FSTL5: variants seen among roughly 807,000 people sequenced by gnomAD.
The protein encoded by FSTL5 is follistatin-related protein 5.
In FSTL5, 62 loss-of-function variants were observed where a neutral mutation model predicts 89.1. The ratio of observed to expected loss-of-function variants is 0.70; its 90% confidence interval spans 0.57 to 0.86. The LOEUF (loss-of-function observed/expected upper bound fraction) is 0.86, where lower values mean the gene tolerates loss of function less well. Among genes scored for constraint, FSTL5 ranks in the 40% least tolerant of loss-of-function variants. The probability of loss-of-function intolerance (pLI) is 0.00; values close to 1 mark genes in which losing one functional copy is unlikely to be tolerated. For synonymous variants in FSTL5, 383 were observed against 346.2 expected, an observed-to-expected ratio of 1.11 and a Z score of -1.18; for missense variants, 1,057 against 1,001.6, an observed-to-expected ratio of 1.06 and a Z score of -0.75.
intron 4 of FSTL5, among the ~76,000 whole-genome samples, chr4:161,798,645 C>T (rs1395577306): frequency 2.0e-5 from 3 of 151,480 alleles, no homozygotes; most frequent in African/African-American, 7.3e-5. Context: ...GTCCAACAAA[C>T]TGATTTAACA....
chr4:161,390,722 G>T (rs1380687033), intron 15 of FSTL5, among the ~76,000 whole-genome samples: 1 of 151,884 alleles, frequency 6.6e-6, no homozygotes, highest in Non-Finnish European at 1.5e-5. Flanking sequence ...GTCCTCATAT[G>T]GTCCCAGATA....
intron 3 of FSTL5, among the ~76,000 whole-genome samples, chr4:162,009,800 T>C (rs1736709580): frequency 6.6e-6 from 1 of 152,088 alleles, no homozygotes; most frequent in African/African-American, 2.4e-5. Flanking sequence ...TCTTCCTATG[T>C]ACATTATGTA....
intron 15 of FSTL5, among the ~76,000 whole-genome samples, chr4:161,432,860 A>T (rs182430217): frequency 1.6e-4 from 24 of 152,164 alleles, no homozygotes; most frequent in Admixed American, 1.2e-3. Flanking sequence ...GGATACATAC[A>T]ATCTACCAAG....
At chr4:161,936,414 C>A (rs1312331867) in intron 3 of FSTL5, among the ~76,000 whole-genome samples, 1 of 152,012 alleles carries the variant, frequency 6.6e-6, no homozygotes, top group Non-Finnish European at 1.5e-5. Context: ...ACTAAAAATA[C>A]TTTAAAATAG....
Position 162,112,222 on chromosome 4 carries a change from T to C in FSTL5, c.-16-810A>G, listed in dbSNP as rs541974621. Among the ~76,000 whole-genome samples the C allele has an allele frequency of 3.3e-5, 5 of 152,012 alleles. No homozygotes were observed. The South Asian group carries it at 1.0e-3, about 32-fold the overall frequency. ...TTTTTCTTCTGTCAAAGCCAATCTG[T>C]TATGTCTGATTTCTTGGGAAACTTA... is the stretch of plus-strand genomic sequence containing the variant. On this transcript the variant is annotated intron_variant, in intron 1 of 15. Coordinates refer to ENST00000306100, the MANE Select transcript of FSTL5 (RefSeq NM_020116.5).
intron 4 of FSTL5, among the ~76,000 whole-genome samples, chr4:161,824,413 G>A (rs1323159056): frequency 1.3e-5 from 2 of 152,038 alleles, no homozygotes; most frequent in African/African-American, 4.8e-5. Flanking sequence ...GGGTGACTAT[G>A]GCCTTATAAT....
chr4:161,926,924 C>T (rs1734143223), intron 3 of FSTL5, among the ~76,000 whole-genome samples: 1 of 151,728 alleles, frequency 6.6e-6, no homozygotes, highest in African/African-American at 2.4e-5. Flanking sequence ...ACTACTTTAA[C>T]ATTATAAATA....
chr4:161,403,421 A>G (rs906105171), intron 15 of FSTL5, among the ~76,000 whole-genome samples: 14 of 152,224 alleles, frequency 9.2e-5, no homozygotes, highest in African/African-American at 2.7e-4. Flanking sequence ...TATAGCAGAT[A>G]TGACCTACTT....
At chr4:161,791,847 G>A (rs1009327949) in intron 4 of FSTL5, among the ~76,000 whole-genome samples, 3 of 152,176 alleles carry the variant, frequency 2.0e-5, no homozygotes, top group Non-Finnish European at 4.4e-5. Context: ...CCTTTTGATG[G>A]AAGCAACAGC....
intron 6 of FSTL5, among the ~76,000 whole-genome samples, chr4:161,666,806 A>C (rs556250048): frequency 3.3e-5 from 5 of 152,112 alleles, no homozygotes; most frequent in Non-Finnish European, 5.9e-5. Flanking sequence ...AAAAGTTCTG[A>C]AAGTAATTAG....
intron 8 of FSTL5, among the ~76,000 whole-genome samples, chr4:161,580,676 T>C (rs1280316975): frequency 6.6e-6 from 1 of 152,170 alleles, no homozygotes; most frequent in Non-Finnish European, 1.5e-5. Context: ...GTGTCCCTCA[T>C]TGGTTAATGA....
chr4:161,581,747 T>C (rs1393991569), intron 8 of FSTL5, among the ~76,000 whole-genome samples: 3 of 152,230 alleles, frequency 2.0e-5, no homozygotes, highest in Admixed American at 6.5e-5. Flanking sequence ...GCAGAAGTTT[T>C]CTTATTTCAG....
At chr4:161,804,817 G>A (rs1729907984) in intron 4 of FSTL5, among the ~76,000 whole-genome samples, 1 of 151,978 alleles carries the variant, frequency 6.6e-6, no homozygotes, top group African/African-American at 2.4e-5. Context: ...TATCTAAATT[G>A]CAATTGTTGT....
At chr4:162,002,402 G>A (rs983171896) in intron 3 of FSTL5, among the ~76,000 whole-genome samples, 1 of 152,208 alleles carries the variant, frequency 6.6e-6, no homozygotes, top group East Asian at 1.9e-4. Context: ...ACCGCACTGG[G>A]GCTCCGTAGG....
chr4:162,152,990 G>A (rs1010378305), intron 1 of FSTL5, among the ~76,000 whole-genome samples: 3 of 151,878 alleles, frequency 2.0e-5, no homozygotes, highest in Non-Finnish European at 2.9e-5. Context: ...TGTGCCTTCC[G>A]GTTTTTGCCA....
At chr4:161,526,102 T>G (rs1731211390) in intron 10 of FSTL5, among the ~76,000 whole-genome samples, 1 of 152,284 alleles carries the variant, frequency 6.6e-6, no homozygotes, top group East Asian at 1.9e-4. Flanking sequence ...TTCTTAATCT[T>G]AATCATACAG....
At chr4:162,115,036 C>T (rs2111417309) in intron 1 of FSTL5, among the ~76,000 whole-genome samples, 1 of 152,172 alleles carries the variant, frequency 6.6e-6, no homozygotes, top group African/African-American at 2.4e-5. Flanking sequence ...AAAGTCAGAT[C>T]GTCAGAAGTC....
chr4:161,714,560 C>A (rs764387039), intron 6 of FSTL5, among the ~76,000 whole-genome samples: 1 of 152,134 alleles, frequency 6.6e-6, no homozygotes, highest in Non-Finnish European at 1.5e-5. Flanking sequence ...ACTCTCTAAG[C>A]TGGATTTGCT....
chr4:161,870,169 G>A (rs1267716540), intron 4 of FSTL5, among the ~76,000 whole-genome samples: 3 of 152,110 alleles, frequency 2.0e-5, no homozygotes, highest in Non-Finnish European at 2.9e-5. Flanking sequence ...GATAAAACAT[G>A]TATAATTTGT....
Sources: allele counts gnomAD v4.1 joint callset (sites outside exome capture counted in the v4.1 genomes callset), GRCh38; gene constraint gnomAD v4.1.1; transcripts MANE v1.5; gene names NCBI Gene and HGNC (gene_info 2026-07-23, HGNC 2026-07-21).